The following KCNMA1 variants were observed in gnomAD, a reference collection of about 807,000 sequenced individuals.
KCNMA1 encodes the protein potassium calcium-activated channel subfamily M alpha 1, also known as Calcium-activated potassium channel subunit alpha-1.
KCNMA1 carries 29 observed loss-of-function variants against 140.0 expected under a neutral mutation model. The ratio of observed to expected loss-of-function variants is 0.21; its 90% CI spans 0.15 to 0.28. The LOEUF (loss-of-function observed/expected upper bound fraction) is 0.28. KCNMA1 is among the 10% of genes least tolerant of loss of function. KCNMA1 has a pLI of 1.00. For synonymous variants in KCNMA1, 612 were observed against 611.9 expected, an observed-to-expected ratio of 1.00 and a Z score of 0.00; for missense variants, 880 against 1,602.2, an observed-to-expected ratio of 0.55 and a Z score of 7.70.
chr10:77,398,732 TGG>T (rs1233564290), intron 2 of KCNMA1, among the ~76,000 whole-genome samples: 10 of 152,360 alleles, frequency 6.6e-5, no homozygotes, highest in African/African-American at 2.2e-4. Flanking sequence ...GGAGCCCACA[TGG>T]TCTGCAAGCC....
At chr10:76,937,945 CTG>C (rs1037881133) in intron 23 of KCNMA1, among the ~76,000 whole-genome samples, 1 of 147,932 alleles carries the variant, frequency 6.8e-6, no homozygotes, top group African/African-American at 2.6e-5. Flanking sequence ...GTGTGTGTGT[CTG>C]TGTGTCTATA....
At chr10:77,149,134 C>G (rs2098371836) in intron 5 of KCNMA1, among the ~76,000 whole-genome samples, 1 of 152,226 alleles carries the variant, frequency 6.6e-6, no homozygotes, top group South Asian at 2.1e-4. Flanking sequence ...GAACTTTGCA[C>G]TTGCTTAAAG....
At chr10:77,178,871 G>A (rs567493172) in intron 5 of KCNMA1, among the ~76,000 whole-genome samples, 2 of 152,310 alleles carry the variant, frequency 1.3e-5, no homozygotes, top group African/African-American at 4.8e-5. Context: ...ATTTCAAGGT[G>A]CATTTATTTT....
In KCNMA1 at chr10:77,009,969, G is replaced by A. The variant is rs116004136; in HGVS notation, c.2092+1998C>T. ...CAGAGTAAAGGATTCAGGAGGGCAG[G>A]GACTTTACCTTGTTGACCACTCCAT... On this transcript the variant is annotated intron_variant, in intron 18 of 27. Transcript: ENST00000286628. 8.8e-3 allele frequency among the ~76,000 whole-genome samples: 1,345 copies of A among 152,208 alleles called. 15 individuals are homozygous for A. The highest frequency in any genetic ancestry group is 0.031 in the African/African-American group (1,286 of 41,520).
chr10:77,394,103 A>C (rs1476127063), intron 2 of KCNMA1, among the ~76,000 whole-genome samples: 1 of 152,226 alleles, frequency 6.6e-6, no homozygotes, highest in African/African-American at 2.4e-5. Context: ...ACCCACATGC[A>C]CCTGGAAACT....
chr10:77,207,478 G>A (rs950991015), intron 3 of KCNMA1, among the ~76,000 whole-genome samples: 7 of 152,170 alleles, frequency 4.6e-5, no homozygotes, highest in African/African-American at 1.4e-4. Context: ...TAATAAGTTT[G>A]TAAAAGGCTT....
chr10:77,410,697 G>A (rs963905087), intron 1 of KCNMA1, among the ~76,000 whole-genome samples: 10 of 152,172 alleles, frequency 6.6e-5, no homozygotes, highest in African/African-American at 1.9e-4. Context: ...CGAGTCTGCC[G>A]CTCACTAGCT....
chr10:77,349,830 T>C lies in KCNMA1; in HGVS notation c.540+54032A>G, dbSNP rs16934646. 7.8e-3 allele frequency among the ~76,000 whole-genome samples: 1,185 copies of C among 152,324 alleles called. 25 individuals carry two copies. Among genetic ancestry groups the C allele is most frequent in the African/African-American group, 0.027 (1,124 of 41,574 alleles). ...ACATTTATTTGGAAAAACTTTTTGT[T>C]GTCCATTTTTTTAAAGAGCTCTAAA... On this transcript the variant is annotated intron_variant, in intron 2 of 27. Transcript: ENST00000286628.
At position 77,110,341 on chromosome 10, in the gene KCNMA1, C is replaced by T; in HGVS notation, c.963G>A (p.Val321=). 2 of 1,612,914 alleles carry T rather than the reference C, an allele frequency of 1.2e-6. No individual in the cohort carries two copies. Among genetic ancestry groups the T allele is most frequent in the Non-Finnish European group, 1.7e-6 (2 of 1,178,944 alleles). ...TTTCCCATGGGTCCCCTGAATTCTCCACCTAAAGCAAATGGGACAGGGGAG... is the reference window on the plus strand; with the variant it reads ...TTTCCCATGGGTCCCCTGAATTCTCTACCTAAAGCAAATGGGACAGGGGAG... ...WLTAAGFIHL[V]ENSGDPWENF... The change falls in exon 8 of 28, where the codon GTG becomes GTA. Residue 321 remains valine, a splice_region_variant and synonymous_variant. Coordinates refer to ENST00000286628, the MANE Select transcript of KCNMA1 (RefSeq NM_001161352.2).
chr10:76,905,678 C>G (rs2047545789), intron 25 of KCNMA1, among the ~76,000 whole-genome samples: 1 of 152,164 alleles, frequency 6.6e-6, no homozygotes, highest in African/African-American at 2.4e-5. Flanking sequence ...GATAATTTTA[C>G]TCTGACCACT....
intron 21 of KCNMA1, among the ~76,000 whole-genome samples, chr10:76,953,119 A>C (rs575884754): frequency 1.8e-4 from 27 of 152,238 alleles, no homozygotes; most frequent in African/African-American, 6.3e-4. Flanking sequence ...CCTTCCACGA[A>C]ATAGGGCTCT....
At chr10:77,041,151 CTTTTTTTTTTTTTTT>C (rs1162318311) in intron 14 of KCNMA1, among the ~76,000 whole-genome samples, 1 of 1,582 alleles carries the variant, frequency 6.3e-4, no homozygotes, top group East Asian at 5.0e-3. Flanking sequence ...CTGGCTAATT[CTTTTTTTTTTTTTTT>C]TTTTTTTTTT....
At chr10:77,243,247 C>T (rs148068646) in intron 3 of KCNMA1, among the ~76,000 whole-genome samples, 1 of 152,310 alleles carries the variant, frequency 6.6e-6, no homozygotes, top group African/African-American at 2.4e-5. Flanking sequence ...AAGCACTGCC[C>T]TTGTGTTTGG....
intron 2 of KCNMA1, among the ~76,000 whole-genome samples, chr10:77,267,565 A>G (rs2063775332): frequency 1.3e-5 from 2 of 152,164 alleles, no homozygotes; most frequent in Non-Finnish European, 2.9e-5. Context: ...GTGAAAGAGC[A>G]TCCAAGGCAG....
intron 1 of KCNMA1, among the ~76,000 whole-genome samples, chr10:77,526,312 T>C (rs2055636169): frequency 6.6e-6 from 1 of 152,204 alleles, no homozygotes; most frequent in Non-Finnish European, 1.5e-5. Context: ...TCTTGATCAT[T>C]AGTAATCAAA....
chr10:77,586,143 C>T (rs1040124819), intron 1 of KCNMA1, among the ~76,000 whole-genome samples: 1 of 152,188 alleles, frequency 6.6e-6, no homozygotes, highest in Admixed American at 6.5e-5. Flanking sequence ...TAACACTCTC[C>T]ACTTCTGAAT....
intron 1 of KCNMA1, among the ~76,000 whole-genome samples, chr10:77,536,534 T>C (rs1176386167): frequency 1.3e-5 from 2 of 152,206 alleles, no homozygotes; most frequent in Admixed American, 6.5e-5. Context: ...ACTCATCTAT[T>C]CTGTGCAACA....
intron 6 of KCNMA1, among the ~76,000 whole-genome samples, chr10:77,115,612 G>A (rs2097440096): frequency 6.6e-6 from 1 of 152,286 alleles, no homozygotes; most frequent in Middle Eastern, 3.4e-3. Flanking sequence ...GTCCTCTTGA[G>A]ATATTAAACC....
At chr10:77,555,186 A>T (rs763518284) in intron 1 of KCNMA1, among the ~76,000 whole-genome samples, 17 of 152,158 alleles carry the variant, frequency 1.1e-4, no homozygotes, top group Non-Finnish European at 1.9e-4. Flanking sequence ...CAGACAAACA[A>T]GGGCATGTGA....
Sources: allele counts gnomAD v4.1 joint callset (sites outside exome capture counted in the v4.1 genomes callset), GRCh38; gene constraint gnomAD v4.1.1; transcripts MANE v1.5; gene names NCBI Gene and HGNC (gene_info 2026-07-23, HGNC 2026-07-21).